DPEP1: variants seen among roughly 807,000 people sequenced by gnomAD.
The protein encoded by DPEP1 is beta-lactamase.
Under a neutral mutation model 42.3 loss-of-function variants are expected in DPEP1, and 50 were observed. The observed-to-expected ratio is 1.18, with a 90% confidence interval of 0.94 to 1.50. The LOEUF is 1.50. Ranked by LOEUF, DPEP1 falls within the 40% of genes most tolerant of loss-of-function variation. The probability of loss-of-function intolerance (pLI) is 0.00; values close to 1 mark genes in which losing one functional copy is unlikely to be tolerated. For synonymous variants in DPEP1, 297 were observed against 234.0 expected (o/e 1.27, Z -2.46); for missense variants, 663 against 553.0 (o/e 1.20, Z -1.99).
At chr16:89,628,592 G>A (rs1260995612) in intron 1 of DPEP1, among the ~76,000 whole-genome samples, 1 of 151,838 alleles carries the variant, frequency 6.6e-6, no homozygotes, top group African/African-American at 2.4e-5. Context: ...GTGTGAAAAT[G>A]GACAAATACA....
At chr16:89,629,033 G>T (rs1327188176) in intron 1 of DPEP1, among the ~76,000 whole-genome samples, 1 of 151,852 alleles carries the variant, frequency 6.6e-6, no homozygotes, top group Non-Finnish European at 1.5e-5. Flanking sequence ...CACCATATTG[G>T]CCAGGCTTGT....
chr16:89,615,420 A>C (rs2059371706), intron 1 of DPEP1, among the ~76,000 whole-genome samples: 1 of 152,188 alleles, frequency 6.6e-6, no homozygotes, highest in African/African-American at 2.4e-5. Context: ...CTGTGCGTAC[A>C]TCCTGGCTCC....
At chr16:89,615,479 C>T (rs1055513403) in intron 1 of DPEP1, among the ~76,000 whole-genome samples, 4 of 152,216 alleles carry the variant, frequency 2.6e-5, no homozygotes, top group Non-Finnish European at 4.4e-5. Context: ...CCTCAGTTTC[C>T]AAGAGTAGGA....
At chr16:89,618,256 AC>A (rs1431591413) in intron 1 of DPEP1, among the ~76,000 whole-genome samples, 1 of 152,102 alleles carries the variant, frequency 6.6e-6, no homozygotes, top group African/African-American at 2.4e-5. Flanking sequence ...TTGCTCTGTC[AC>A]CCGGGCTGGA....
chr16:89,625,889 C>T (rs906198282), intron 1 of DPEP1, among the ~76,000 whole-genome samples: 9 of 152,154 alleles, frequency 5.9e-5, no homozygotes, highest in African/African-American at 1.4e-4. Context: ...TGCCCTTGAA[C>T]AGTGGTCGTG....
chr16:89,621,771 G>A (rs113806384), intron 1 of DPEP1, among the ~76,000 whole-genome samples: 1 of 152,210 alleles, frequency 6.6e-6, no homozygotes, highest in East Asian at 1.9e-4. Context: ...TACTCATCCC[G>A]TGGGAAAGTC....
At chr16:89,614,804 A>G (rs1257433288) in intron 1 of DPEP1, among the ~76,000 whole-genome samples, 2 of 152,162 alleles carry the variant, frequency 1.3e-5, no homozygotes, top group African/African-American at 2.4e-5. Context: ...CCAAAAAAAT[A>G]AAAGAAAAAT....
intron 2 of DPEP1, among the ~76,000 whole-genome samples, chr16:89,631,039 G>A (rs967738030): frequency 2.0e-5 from 3 of 152,094 alleles, no homozygotes; most frequent in Non-Finnish European, 4.4e-5. Context: ...TGAGCCTGCG[G>A]ACGTGGAGGC....
rs1028380175 is a variant in DPEP1, at chr16:89,630,831, G to C, written c.104+317G>C. Among the ~76,000 whole-genome samples the C allele has an allele frequency of 5.3e-5, 8 of 151,960 alleles. No individual in the cohort carries two copies. The South Asian group carries it at 1.7e-3, about 32-fold the overall frequency. On this transcript the variant is annotated intron_variant, in intron 2 of 10. Transcript: ENST00000690203. ...TTGGCTTGGGGCTCAGTTTCTCTGG[G>C]GGTGAGACTCGTGTGCCCTTGGGTT...
intron 2 of DPEP1, among the ~76,000 whole-genome samples, chr16:89,632,283 C>T (rs1247328300): frequency 3.3e-5 from 5 of 152,118 alleles, no homozygotes; most frequent in Non-Finnish European, 7.4e-5. Flanking sequence ...GAACTCCTGA[C>T]CTCAGGTGAT....
chr16:89,635,003 T>C (rs1314617568), intron 2 of DPEP1, among the ~76,000 whole-genome samples: 6 of 33,054 alleles, frequency 1.8e-4, no homozygotes, highest in Non-Finnish European at 3.0e-4. Context: ...CCCTTCCTTC[T>C]CCTTTCCCTT....
chr16:89,627,015 A>G (rs948001172), intron 1 of DPEP1, among the ~76,000 whole-genome samples: 1 of 151,876 alleles, frequency 6.6e-6, no homozygotes, highest in African/African-American at 2.4e-5. Flanking sequence ...TAATCCCAAC[A>G]CTTTGGGAGG....
intron 1 of DPEP1, chr16:89,626,401 A>AGT: frequency 6.6e-6 from 1 of 152,174 alleles, no homozygotes; most frequent in Non-Finnish European, 1.5e-5. Flanking sequence ...AGCTGGCTGG[A>AGT]GTGCAGTGGC....
At chr16:89,624,489 G>A (rs1222585987) in intron 1 of DPEP1, among the ~76,000 whole-genome samples, 2 of 152,018 alleles carry the variant, frequency 1.3e-5, no homozygotes, top group African/African-American at 4.8e-5. Flanking sequence ...AGCGAGAAAG[G>A]TCGGGAGTGG....
intron 1 of DPEP1, among the ~76,000 whole-genome samples, chr16:89,620,250 C>T (rs933430163): frequency 4.6e-5 from 7 of 152,162 alleles, no homozygotes; most frequent in Middle Eastern, 3.4e-3. Flanking sequence ...CAGTGTCCTC[C>T]GAGGGAGTCA....
Position 89,637,278 on chromosome 16 carries a change from C to T in DPEP1, c.666C>T (p.Ala222=), listed in dbSNP as rs780595761. Residue 222 remains alanine, a synonymous_variant, in exon 7 of 11, where the codon GCC becomes GCT. Transcript: ENST00000690203. ...ACGTGTCTGTGGCCACCATGAAGGCCACCCTGCAGCTGTCCAGAGCCCCGG... is the reference window on the plus strand; with the variant it reads ...ACGTGTCTGTGGCCACCATGAAGGCTACCCTGCAGCTGTCCAGAGCCCCGG... ...LAHVSVATMK[A]TLQLSRAPVI... 5.6e-6 allele frequency: 9 copies of T among 1,612,758 alleles called. No homozygotes were observed. In the Admixed American group the frequency reaches 1.0e-4, roughly 18 times the overall value.
chr16:89,622,434 C>T (rs976098918), intron 1 of DPEP1, among the ~76,000 whole-genome samples: 3 of 152,186 alleles, frequency 2.0e-5, no homozygotes, highest in Non-Finnish European at 4.4e-5. Flanking sequence ...TGAGGTAAGG[C>T]ACAAGCATTT....
chr16:89,628,216 C>A (rs2059541466), intron 1 of DPEP1, among the ~76,000 whole-genome samples: 1 of 151,342 alleles, frequency 6.6e-6, no homozygotes, highest in South Asian at 2.1e-4. Context: ...GCCACCACAC[C>A]CGGCCACAAA....
chr16:89,639,869 G>T (rs2059730904), downstream of DPEP1, among the ~76,000 whole-genome samples: 1 of 152,014 alleles, frequency 6.6e-6, no homozygotes, highest in Non-Finnish European at 1.5e-5. Flanking sequence ...TAGAGACGAG[G>T]TTTCACCATG....
Sources: allele counts gnomAD v4.1 joint callset (sites outside exome capture counted in the v4.1 genomes callset), GRCh38; gene constraint gnomAD v4.1.1; transcripts MANE v1.5; gene names NCBI Gene and HGNC (gene_info 2026-07-23, HGNC 2026-07-21).